ABCB4: variants seen among roughly 807,000 people sequenced by gnomAD.
The protein encoded by ABCB4 is ATP binding cassette subfamily B member 4.
ABCB4 carries 76 observed loss-of-function variants against 145.7 expected under a neutral mutation model. The ratio of observed to expected loss-of-function variants is 0.52; its 90% CI spans 0.43 to 0.63. ABCB4 has a LOEUF of 0.63. Among genes scored for constraint, ABCB4 ranks in the 30% least tolerant of loss-of-function variants. ABCB4 has a pLI of 0.00. For synonymous variants in ABCB4, 517 were observed against 566.8 expected, an observed-to-expected ratio of 0.91 and a Z score of 1.25; for missense variants, 1,234 against 1,553.1, an observed-to-expected ratio of 0.79 and a Z score of 3.45.
In ABCB4 at chr7:87,440,265, G is replaced by A; in HGVS notation, c.1494C>T (p.Thr498=). ...TGACAGCTTTCTTTATCTCATCCAT[G>A]GTTACATTTCCACGGCCATAACAAA... ...ENICYGRGNV[T]MDEIKKAVKE... The change falls in exon 13 of 28, where the codon ACC becomes ACT. Residue 498 remains threonine, a synonymous_variant. Coordinates refer to ENST00000649586, the MANE Select transcript of ABCB4 (RefSeq NM_000443.4). The A allele has an allele frequency of 6.2e-7, 1 of 1,614,086 alleles. No individual in the cohort carries two copies. The highest frequency in any genetic ancestry group is 1.1e-5 in the South Asian group (1 of 91,072).
At chr7:87,447,845 T>C (rs1433059319) in intron 8 of ABCB4, among the ~76,000 whole-genome samples, 1 of 152,208 alleles carries the variant, frequency 6.6e-6, no homozygotes, top group Non-Finnish European at 1.5e-5. Flanking sequence ...GTTTCATATA[T>C]GAAAAATGGA....
intron 23 of ABCB4, 128 bp from the exon 24 acceptor site, chr7:87,409,520 C>T (rs989273681): frequency 2.2e-6 from 2 of 898,624 alleles, no homozygotes; most frequent in Non-Finnish European, 3.5e-6. Flanking sequence ...TTCTCCCCGA[C>T]ATACATTTTC....
intron 3 of ABCB4, among the ~76,000 whole-genome samples, chr7:87,464,390 A>G (rs1448767361): frequency 6.6e-6 from 1 of 152,178 alleles, no homozygotes; most frequent in Non-Finnish European, 1.5e-5. Flanking sequence ...TCAAGAGCCA[A>G]TGGAGCTGGG....
intron 3 of ABCB4, among the ~76,000 whole-genome samples, chr7:87,465,045 G>A (rs1252100965): frequency 6.6e-6 from 1 of 152,194 alleles, no homozygotes; most frequent in East Asian, 1.9e-4. Flanking sequence ...AGTAGGTGCA[G>A]CGCACCGAGC....
the ABCB4 span, among the ~76,000 whole-genome samples, chr7:87,386,567 A>G: frequency 1.3e-5 from 2 of 152,106 alleles, no homozygotes; most frequent in African/African-American, 4.8e-5. Context: ...TTCTACCTAC[A>G]GATTTGTCAA....
At chr7:87,474,918 A>G (rs958704692) in intron 2 of ABCB4, among the ~76,000 whole-genome samples, 1 of 152,152 alleles carries the variant, frequency 6.6e-6, no homozygotes, top group East Asian at 1.9e-4. Flanking sequence ...GGGTAAGACA[A>G]GGAGGAAGAG....
chr7:87,464,280 A>G (rs1812700821), intron 3 of ABCB4, among the ~76,000 whole-genome samples: 1 of 152,202 alleles, frequency 6.6e-6, no homozygotes, highest in African/African-American at 2.4e-5. Flanking sequence ...GGACAGGGAC[A>G]AACTCCATCA....
intron 5 of ABCB4, among the ~76,000 whole-genome samples, chr7:87,453,501 T>C (rs898425015): frequency 1.3e-5 from 2 of 151,578 alleles, no homozygotes; most frequent in Non-Finnish European, 2.9e-5. Context: ...TTTATTCATC[T>C]CTTTCAGGAG....
At chr7:87,432,215 G>T (rs993674396) in intron 14 of ABCB4, among the ~76,000 whole-genome samples, 1 of 152,168 alleles carries the variant, frequency 6.6e-6, no homozygotes, top group Non-Finnish European at 1.5e-5. Context: ...TCATATGTTT[G>T]CTGGGTGGAT....
In ABCB4 at chr7:87,439,781, C is replaced by T. The variant is rs1810848934; in HGVS notation, c.1617G>A (p.Gln539=). Residue 539 remains glutamine, a synonymous_variant, in exon 14 of 28, where the codon CAG becomes CAA. Transcript: ENST00000649586. ...CCAGGGCACGTGCAATGGCGATCCT[C>T]TGCTTCTGCCCACCACTCAGCTGGG... ...RGAQLSGGQK[Q]RIAIARALVR... 1 of 1,614,076 alleles carries T rather than the reference C, an allele frequency of 6.2e-7. No individual in the cohort carries two copies. The highest frequency in any genetic ancestry group is 1.3e-5 in the African/African-American group (1 of 74,932).
chr7:87,472,080 C>G (rs1813457026), intron 3 of ABCB4, among the ~76,000 whole-genome samples: 3 of 152,228 alleles, frequency 2.0e-5, no homozygotes, highest in African/African-American at 7.2e-5. Flanking sequence ...CCAGTTAGCT[C>G]TGTCCGGTGT....
At chr7:87,395,270 G>GTT in the ABCB4 span, among the ~76,000 whole-genome samples, 2,576 of 151,970 alleles carry the variant, frequency 0.017, 33 homozygotes, top group East Asian at 0.035. Context: ...GTCTTTTCAG[G>GTT]TTTTTCTGCC....
chr7:87,418,209 G>A (rs1809131697), intron 20 of ABCB4, among the ~76,000 whole-genome samples: 2 of 152,358 alleles, frequency 1.3e-5, no homozygotes, highest in Non-Finnish European at 2.9e-5. Flanking sequence ...TTTGGTGGTT[G>A]AGGTAGAGGT....
the ABCB4 span, among the ~76,000 whole-genome samples, chr7:87,367,893 A>C: frequency 6.6e-6 from 1 of 152,134 alleles, no homozygotes; most frequent in East Asian, 1.9e-4. Context: ...GTCACCTCCT[A>C]ACTTGGCATA....
At chr7:87,374,668 C>T in the ABCB4 span, among the ~76,000 whole-genome samples, 1 of 151,928 alleles carries the variant, frequency 6.6e-6, no homozygotes. Flanking sequence ...CCTCAGGACA[C>T]CATTAATTTG....
the ABCB4 span, among the ~76,000 whole-genome samples, chr7:87,393,735 A>G: frequency 6.6e-6 from 1 of 152,210 alleles, no homozygotes; most frequent in African/African-American, 2.4e-5. Context: ...AGAAGAGGGC[A>G]GGCTTGGAGG....
intron 3 of ABCB4, among the ~76,000 whole-genome samples, chr7:87,464,470 C>T (rs966635499): frequency 6.6e-5 from 10 of 152,180 alleles, no homozygotes; most frequent in Admixed American, 3.3e-4. Flanking sequence ...AAAAGGAAAA[C>T]AGAACACTTG....
chr7:87,411,947 C>T lies in ABCB4; in HGVS notation c.2870G>A (p.Arg957Gln), dbSNP rs1808653705. ...ATTCACAATGAGATATGCACCAAAT[C>T]GAAAACAACCGGCATAGGAAAAATA... The part of the protein sequence containing the change: ...FMYFSYAGCF[R>Q]FGAYLIVNGH... The change falls in exon 23 of 28, where the codon CGA becomes CAA. Residue 957 changes from arginine (R) to glutamine (Q), a missense_variant. Coordinates refer to ENST00000649586, the MANE Select transcript of ABCB4 (RefSeq NM_000443.4). 4.3e-6 allele frequency: 7 copies of T among 1,613,746 alleles called. No homozygotes were observed. The highest frequency in any genetic ancestry group is 3.3e-5 in the Admixed American group (2 of 59,988).
chr7:87,443,590 A>C, intron 11 of ABCB4, 73 bp downstream of exon 11: 2 of 1,528,360 alleles, frequency 1.3e-6, no homozygotes, highest in Non-Finnish European at 1.8e-6. Context: ...TCAAAATAAT[A>C]GAGACTTTAT....
Sources: gnomAD v4.1 joint callset for allele counts (sites outside exome capture counted in the v4.1 genomes callset) on GRCh38, gnomAD v4.1.1 for gene constraint, MANE v1.5 for transcripts, NCBI Gene and HGNC (gene_info 2026-07-23, HGNC 2026-07-21) for gene names.